The following LMBRD2 variants were observed in gnomAD, a reference collection of about 807,000 sequenced individuals.
The protein encoded by LMBRD2 is LMBR1 domain containing 2, also known as G protein-coupled receptor-associated protein LMBRD2.
Under a neutral mutation model 94.4 loss-of-function variants are expected in LMBRD2, and 55 were observed. That is an observed-to-expected ratio of 0.58 (90% CI 0.47 to 0.73). The LOEUF (loss-of-function observed/expected upper bound fraction) is 0.73. LMBRD2 is among the 30% of genes least tolerant of loss of function. The pLI is 0.00. For missense variants in LMBRD2, 640 were observed against 831.9 expected (o/e 0.77, Z 2.84); for synonymous variants, 246 against 272.4 (o/e 0.90, Z 0.95).
chr5:36,114,241 T>G (rs1462591220), intron 13 of LMBRD2, among the ~76,000 whole-genome samples, 183 bp downstream of exon 13: 4 of 152,158 alleles, frequency 2.6e-5, no homozygotes, highest in Non-Finnish European at 5.9e-5. Context: ...CTCTTTTTTC[T>G]TTAAATTTTT....
intron 9 of LMBRD2, among the ~76,000 whole-genome samples, chr5:36,118,417 G>A (rs1040234205): frequency 1.3e-5 from 2 of 152,060 alleles, no homozygotes; most frequent in African/African-American, 4.8e-5. Flanking sequence ...TAATGGTAGA[G>A]TATAAATATT....
intron 6 of LMBRD2, among the ~76,000 whole-genome samples, chr5:36,133,192 A>G (rs1047704057): frequency 1.3e-5 from 2 of 152,252 alleles, no homozygotes; most frequent in African/African-American, 4.8e-5. Flanking sequence ...AATGTGGTAC[A>G]TATACACAAC....
At chr5:36,110,796 C>A (rs895727031) in intron 14 of LMBRD2, among the ~76,000 whole-genome samples, 1 of 152,026 alleles carries the variant, frequency 6.6e-6, no homozygotes, top group African/African-American at 2.4e-5. Flanking sequence ...ATTTCCCATG[C>A]AGTATCAAAC....
chr5:36,132,941 T>C (rs1202667033), intron 6 of LMBRD2, among the ~76,000 whole-genome samples: 2 of 148,980 alleles, frequency 1.3e-5, no homozygotes, highest in African/African-American at 4.9e-5. Context: ...AGACAGACAA[T>C]AATGTAATGT....
chr5:36,116,079 G>GA (rs1743737086), intron 11 of LMBRD2, among the ~76,000 whole-genome samples: 1 of 152,094 alleles, frequency 6.6e-6, no homozygotes, highest in African/African-American at 2.4e-5. Flanking sequence ...AATTCCTCAG[G>GA]AAAAATTGTT....
chr5:36,105,382 CA>C (rs1343924202), intron 16 of LMBRD2, among the ~76,000 whole-genome samples, 185 bp from the exon 17 acceptor site: 1 of 152,110 alleles, frequency 6.6e-6, no homozygotes, highest in Non-Finnish European at 1.5e-5. Flanking sequence ...TAGAATATAG[CA>C]AGGAAAAGTT....
chr5:36,129,797 C>G (rs1259013111), intron 6 of LMBRD2, among the ~76,000 whole-genome samples: 1 of 152,114 alleles, frequency 6.6e-6, no homozygotes, highest in African/African-American at 2.4e-5. Flanking sequence ...AAATGTCCAA[C>G]AATGATTGAC....
Position 36,111,225 on chromosome 5 carries a change from G to A in LMBRD2, c.1674C>T (p.Phe558=). ...LGTRCLNLLG[F]QQFMGDDDMT... ...TATCATCATCTCCCATAAACTGCTG[G>A]AAACCGAGCAGATTCAAACAACGGG... Residue 558 remains phenylalanine (F), a synonymous_variant, in exon 14 of 18, where the codon TTC becomes TTT. Coordinates refer to ENST00000296603, the MANE Select transcript of LMBRD2 (RefSeq NM_001007527.2). The A allele has an allele frequency of 6.2e-7, 1 of 1,611,778 alleles. No homozygotes were observed. The highest frequency in any genetic ancestry group is 2.2e-5 in the East Asian group (1 of 44,728).
Position 36,100,420 on chromosome 5 carries a change from T to C in LMBRD2, c.*3626A>G, listed in dbSNP as rs1743323516. 6.6e-6 allele frequency: 1 copy of C among 152,084 alleles called. No individual in the cohort carries two copies. Among genetic ancestry groups the C allele is most frequent in the South Asian group, 2.1e-4 (1 of 4,822 alleles). The allele number at this position is 152,084 out of a possible 1,614,324, so 9.4% of individuals were successfully genotyped here. On this transcript the variant is annotated 3_prime_UTR_variant, in exon 18 of 18. Transcript: ENST00000296603. The stretch of plus-strand genomic sequence containing the variant: ...CTATTTCAAGTAGTGGGATTTGTAG[T>C]CAGAACTAGTTCCTTCTGAGCGTAC...
chr5:36,107,321 T>C (rs1442934772), intron 16 of LMBRD2, among the ~76,000 whole-genome samples: 2 of 152,228 alleles, frequency 1.3e-5, no homozygotes, highest in African/African-American at 4.8e-5. Context: ...TGTCTGATAA[T>C]TTCAACATTT....
intron 9 of LMBRD2, among the ~76,000 whole-genome samples, chr5:36,119,341 C>A (rs1743833711): frequency 6.6e-6 from 1 of 152,140 alleles, no homozygotes; most frequent in Admixed American, 6.5e-5. Context: ...CAAACAATAC[C>A]TTCATCTAGT....
intron 8 of LMBRD2, 58 bp from the exon 9 acceptor site, chr5:36,122,521 C>G: frequency 5.8e-6 from 8 of 1,385,738 alleles, no homozygotes; most frequent in Non-Finnish European, 8.1e-6. Context: ...TGGTTCAACT[C>G]TCCACTAGGG....
chr5:36,124,094 C>T, intron 7 of LMBRD2, 97 bp downstream of exon 7: 2 of 605,258 alleles, frequency 3.3e-6, no homozygotes, highest in Non-Finnish European at 5.6e-6. Flanking sequence ...TTTAGAAGAC[C>T]TCAGCTATAG....
chr5:36,101,178 A>T lies in LMBRD2; in HGVS notation c.*2868T>A, dbSNP rs980774349. 2.6e-5 allele frequency: 4 copies of T among 152,026 alleles called. No individual in the cohort carries two copies. The highest frequency in any genetic ancestry group is 1.5e-5 in the Non-Finnish European group (1 of 67,902). The allele number at this position is 152,026 out of a possible 1,614,324, so 9.4% of individuals were successfully genotyped here. A position where few individuals can be genotyped will look rare whatever the true frequency, so the allele number is the denominator to read the frequency against. ...CCTTGTATTCATTTGGTAAGAGAGC[A>T]AATTTTAATAATTAAACTTATTCTT... On this transcript the variant is annotated 3_prime_UTR_variant, in exon 18 of 18. Transcript: ENST00000296603.
rs948447268 is a variant in LMBRD2 at position 36,098,536 on chromosome 5, A to C, written c.*5510T>G. On this transcript the variant is annotated 3_prime_UTR_variant, in exon 18 of 18. Coordinates refer to ENST00000296603, the MANE Select transcript of LMBRD2 (RefSeq NM_001007527.2). ...AATCTCAAATGAAGTAAAATATATA[A>C]ACAATCAGCAAAATTCTTATTAACT... The C allele has an allele frequency of 6.6e-6, 1 of 152,064 alleles. No individual in the cohort carries two copies. Among genetic ancestry groups the C allele is most frequent in the African/African-American group, 2.4e-5 (1 of 41,454 alleles). 9.4% of individuals were successfully genotyped at this position (152,064 alleles called of 1,614,324 possible).
At chr5:36,124,538 G>T (rs1743965762) in intron 6 of LMBRD2, among the ~76,000 whole-genome samples, 1 of 152,070 alleles carries the variant, frequency 6.6e-6, no homozygotes, top group Admixed American at 6.6e-5. Context: ...CTATTTAAAA[G>T]TCCACAAAAG....
At chr5:36,144,458 G>A (rs1474427974) in intron 1 of LMBRD2, among the ~76,000 whole-genome samples, 1 of 152,060 alleles carries the variant, frequency 6.6e-6, no homozygotes, top group African/African-American at 2.4e-5. Flanking sequence ...TAAGGCAGGC[G>A]GATCACCTGA....
Position 36,114,995 on chromosome 5 carries a change from T to C in LMBRD2, c.1542+20A>G. 4 of 1,460,088 alleles carry C rather than the reference T, an allele frequency of 2.7e-6. No homozygotes were observed. The highest frequency in any genetic ancestry group is 3.8e-6 in the Non-Finnish European group (4 of 1,045,868). 90.4% of individuals were successfully genotyped at this position (1,460,088 alleles called of 1,614,324 possible). ...TATAGATAGTGAACCTAAGGAATTC[T>C]ATTTTCTGACCGTACTTACAGATGT... On this transcript the variant is annotated intron_variant, in intron 12 of 17. Coordinates refer to ENST00000296603, the MANE Select transcript of LMBRD2 (RefSeq NM_001007527.2).
rs1744566852 is a variant in LMBRD2, at chr5:36,147,071, T to A, written c.-57-3665A>T. On this transcript the variant is annotated intron_variant, in intron 1 of 17. Coordinates refer to ENST00000296603, the MANE Select transcript of LMBRD2 (RefSeq NM_001007527.2). Reference sequence around the variant, plus strand: ...TTTTACAGGGCTTATCTGATTACACTGGGCCTGCCTGAATAATTTCATCAT... The same window carrying A: ...TTTTACAGGGCTTATCTGATTACACAGGGCCTGCCTGAATAATTTCATCAT... Among the ~76,000 whole-genome samples, 8 of 152,058 alleles carry A rather than the reference T, an allele frequency of 5.3e-5. No homozygotes were observed. The South Asian group carries it at 1.7e-3, about 32-fold the overall frequency.
Sources: allele counts gnomAD v4.1 joint callset (sites outside exome capture counted in the v4.1 genomes callset), GRCh38; gene constraint gnomAD v4.1.1; transcripts MANE v1.5; gene names NCBI Gene and HGNC (gene_info 2026-07-23, HGNC 2026-07-21).